Variants in ANO6 observed in about 807,000 individuals in gnomAD.
ANO6 encodes anoctamin-6.
Under a neutral mutation model 117.5 loss-of-function variants are expected in ANO6, and 106 were observed. The observed-to-expected ratio is 0.90, with a 90% CI of 0.77 to 1.06. The LOEUF (loss-of-function observed/expected upper bound fraction) is 1.06, where lower values mean the gene tolerates loss of function less well. ANO6 is among the 50% of genes least tolerant of loss of function. The probability of loss-of-function intolerance (pLI) is 0.00; values close to 1 mark genes in which losing one functional copy is unlikely to be tolerated. For synonymous variants in ANO6, 367 were observed against 385.1 expected (o/e 0.95, Z 0.55); for missense variants, 955 against 1,121.1 (o/e 0.85, Z 2.12).
chr12:45,408,428 G>T (rs1942999203), intron 15 of ANO6, among the ~76,000 whole-genome samples: 1 of 152,092 alleles, frequency 6.6e-6, no homozygotes, highest in Non-Finnish European at 1.5e-5. Context: ...GCCATAAAAA[G>T]GGGGGAAGCA....
intron 1 of ANO6, among the ~76,000 whole-genome samples, chr12:45,238,617 C>T (rs967419577): frequency 6.6e-6 from 1 of 152,122 alleles, no homozygotes; most frequent in Non-Finnish European, 1.5e-5. Context: ...TAGTCTTGTG[C>T]CGGTTTTCAA....
At chr12:45,323,242 A>G (rs1232622734) in intron 2 of ANO6, among the ~76,000 whole-genome samples, 1 of 152,204 alleles carries the variant, frequency 6.6e-6, no homozygotes, top group Non-Finnish European at 1.5e-5. Flanking sequence ...AGAAAGACTA[A>G]AAGCCTCTGA....
At chr12:45,424,084 A>G (rs1256935857) in intron 19 of ANO6, among the ~76,000 whole-genome samples, 1 of 151,902 alleles carries the variant, frequency 6.6e-6, no homozygotes, top group African/African-American at 2.4e-5. Flanking sequence ...ACTCACGGTT[A>G]GTATCTGACT....
intron 8 of ANO6, among the ~76,000 whole-genome samples, chr12:45,361,820 T>G (rs1941562759): frequency 6.6e-6 from 1 of 152,168 alleles, no homozygotes. Context: ...GTACTTTGAA[T>G]CATCCTTGCA....
intron 2 of ANO6, among the ~76,000 whole-genome samples, chr12:45,320,135 C>A (rs959381466): frequency 6.6e-6 from 1 of 152,050 alleles, no homozygotes; most frequent in Non-Finnish European, 1.5e-5. Context: ...CTTCTCTGAT[C>A]TTAGTTATTT....
At chr12:45,358,111 G>A (rs1374558037) in intron 8 of ANO6, among the ~76,000 whole-genome samples, 1 of 152,196 alleles carries the variant, frequency 6.6e-6, no homozygotes, top group Non-Finnish European at 1.5e-5. Context: ...CAGGGATGCA[G>A]CACGGAACCA....
chr12:45,221,432 GT>G (rs1161128397), intron 1 of ANO6, among the ~76,000 whole-genome samples: 1 of 152,186 alleles, frequency 6.6e-6, no homozygotes, highest in Non-Finnish European at 1.5e-5. Context: ...AGAGTCTGGA[GT>G]TCCAAATAGT....
chr12:45,352,683 A>G (rs1194004016), intron 7 of ANO6, among the ~76,000 whole-genome samples: 1 of 150,420 alleles, frequency 6.6e-6, no homozygotes, highest in East Asian at 2.0e-4. Flanking sequence ...GTGAGCTATG[A>G]TTGTGCCACT....
intron 1 of ANO6, among the ~76,000 whole-genome samples, chr12:45,283,833 C>A (rs941247695): frequency 6.6e-6 from 1 of 152,152 alleles, no homozygotes; most frequent in African/African-American, 2.4e-5. Flanking sequence ...CCCACTACCA[C>A]CATCACTGTT....
chr12:45,266,381 C>A (rs1190987051), intron 1 of ANO6, among the ~76,000 whole-genome samples: 2 of 152,078 alleles, frequency 1.3e-5, no homozygotes, highest in Non-Finnish European at 2.9e-5. Context: ...AAATATATTG[C>A]ATTGTGGTCT....
chr12:45,417,633 A>G (rs73093336), intron 17 of ANO6, among the ~76,000 whole-genome samples: 55,839 of 152,008 alleles, frequency 0.37, 12,799 homozygotes, highest in Non-Finnish European at 0.51. Context: ...AGGCAATGCA[A>G]TTTTCATGCC....
In ANO6 at chr12:45,429,729, T is replaced by C; in HGVS notation, c.*418T>C. The C allele has an allele frequency of 1.9e-6, 2 of 1,053,208 alleles. No homozygotes were observed. Among genetic ancestry groups the C allele is most frequent in the Non-Finnish European group, 2.3e-6 (2 of 872,256 alleles). 65.2% of individuals were successfully genotyped at this position (1,053,208 alleles called of 1,614,324 possible). A position where few individuals can be genotyped will look rare whatever the true frequency, so the allele number is the denominator to read the frequency against. ...TCACTTGGCTAGATCTGTTCCAGGG[T>C]CATCTTTTCCTTACAGTACCATCAT... On this transcript the variant is annotated 3_prime_UTR_variant, in exon 20 of 20. Coordinates refer to ENST00000320560, the MANE Select transcript of ANO6 (RefSeq NM_001025356.3).
intron 1 of ANO6, among the ~76,000 whole-genome samples, chr12:45,288,152 C>G (rs936800362): frequency 6.6e-6 from 1 of 152,140 alleles, no homozygotes; most frequent in Non-Finnish European, 1.5e-5. Context: ...TTAGAAAGCA[C>G]CTACTGCCTG....
intron 8 of ANO6, among the ~76,000 whole-genome samples, chr12:45,361,090 A>C (rs1271592936): frequency 6.6e-6 from 1 of 152,002 alleles, no homozygotes; most frequent in African/African-American, 2.4e-5. Flanking sequence ...TATTTCTAGG[A>C]TTTTGATAAG....
chr12:45,397,690 A>C lies in ANO6; in HGVS notation c.1387-4105A>C, dbSNP rs898752354. Among the ~76,000 whole-genome samples the C allele has an allele frequency of 2.6e-5, 4 of 152,230 alleles. No individual in the cohort carries two copies. In the East Asian group the frequency reaches 7.7e-4, roughly 29 times the overall value. On this transcript the variant is annotated intron_variant, in intron 12 of 19. Coordinates refer to ENST00000320560, the MANE Select transcript of ANO6 (RefSeq NM_001025356.3). ...ATGAGTTCATGTCTGTTGCAGGGAC[A>C]TGGATGAAGCTGGAAACCATCATTC...
At chr12:45,390,388 T>A (rs1942413024) in intron 11 of ANO6, 33 bp from the exon 12 acceptor site, 1 of 1,523,542 alleles carries the variant, frequency 6.6e-7, no homozygotes, top group Non-Finnish European at 9.1e-7. Flanking sequence ...AGTAATCCCT[T>A]GATTGACTAA....
At chr12:45,354,360 G>A (rs1941358482) in intron 7 of ANO6, among the ~76,000 whole-genome samples, 1 of 152,172 alleles carries the variant, frequency 6.6e-6, no homozygotes, top group African/African-American at 2.4e-5. Context: ...CCATATATAT[G>A]TAACTCTATG....
intron 1 of ANO6, among the ~76,000 whole-genome samples, chr12:45,248,399 TAAAGA>T (rs1440068482): frequency 6.7e-6 from 1 of 148,372 alleles, no homozygotes; most frequent in Admixed American, 6.7e-5. Context: ...GATGAGGTAG[TAAAGA>T]AAATATATTT....
chr12:45,431,330 C>A lies in ANO6; in HGVS notation c.*2019C>A. 2 of 985,384 alleles carry A rather than the reference C, an allele frequency of 2.0e-6. No homozygotes were observed. The highest frequency in any genetic ancestry group is 1.2e-6 in the Non-Finnish European group (1 of 829,910). The allele number at this position is 985,384 out of a possible 1,614,324, so 61.0% of individuals were successfully genotyped here. A position where few individuals can be genotyped will look rare whatever the true frequency, so the allele number is the denominator to read the frequency against. ...GCGGGTGTCACTTCCTCTCTAGTAC[C>A]TCTTCTCTTCTCTGAAGTGTGTGAC... On this transcript the variant is annotated 3_prime_UTR_variant, in exon 20 of 20. Transcript: ENST00000320560.
Sources: gnomAD v4.1 joint callset for allele counts (sites outside exome capture counted in the v4.1 genomes callset) on GRCh38, gnomAD v4.1.1 for gene constraint, MANE v1.5 for transcripts, NCBI Gene and HGNC (gene_info 2026-07-23, HGNC 2026-07-21) for gene names.